The following SLCO1B1 variants were observed in gnomAD, a reference collection of about 807,000 sequenced individuals.
SLCO1B1 encodes OATP-2.
Under a neutral mutation model 70.1 loss-of-function variants are expected in SLCO1B1, and 81 were observed. The observed-to-expected ratio is 1.16, with a 90% CI of 0.97 to 1.39. The LOEUF (loss-of-function observed/expected upper bound fraction) is 1.39. Ranked by LOEUF, SLCO1B1 falls within the 40% of genes most tolerant of loss-of-function variation. The pLI, the probability that SLCO1B1 is intolerant of heterozygous loss-of-function variation, is 0.00. For missense variants in SLCO1B1, 895 were observed against 799.6 expected (o/e 1.12, Z -1.44); for synonymous variants, 283 against 271.5 (o/e 1.04, Z -0.42).
chr12:21,194,040 C>G (rs1238050301), intron 7 of SLCO1B1, among the ~76,000 whole-genome samples: 2 of 152,180 alleles, frequency 1.3e-5, no homozygotes, highest in African/African-American at 4.8e-5. Context: ...ATCCACCCAC[C>G]TTGGCCTCCC....
intron 10 of SLCO1B1, among the ~76,000 whole-genome samples, chr12:21,203,100 A>T (rs1031536256): frequency 3.9e-5 from 6 of 152,136 alleles, no homozygotes; most frequent in African/African-American, 1.4e-4. Flanking sequence ...CATAAGAGTT[A>T]CATAAATGGC....
At chr12:21,206,726 A>G (rs1359157358) in intron 11 of SLCO1B1, among the ~76,000 whole-genome samples, 2 of 151,856 alleles carry the variant, frequency 1.3e-5, no homozygotes, top group East Asian at 3.9e-4. Context: ...CTGGGTAGCT[A>G]CCTGTCACTG....
chr12:21,185,974 C>T lies in SLCO1B1; in HGVS notation c.727+6954C>T, dbSNP rs895059790. On this transcript the variant is annotated intron_variant, in intron 7 of 14. Coordinates refer to ENST00000256958, the MANE Select transcript of SLCO1B1 (RefSeq NM_006446.5). ...GAGGAAGTAGAGTCATTCTTGGAAA[C>T]AACCTCCAAAGATTAAACCAGAAAA... 2.6e-5 allele frequency among the ~76,000 whole-genome samples: 4 copies of T among 151,854 alleles called. No individual in the cohort carries two copies. The South Asian group carries it at 6.2e-4, about 24-fold the overall frequency.
intron 11 of SLCO1B1, among the ~76,000 whole-genome samples, chr12:21,215,928 G>A (rs79249097): frequency 0.014 from 2,090 of 152,080 alleles, 46 homozygotes; most frequent in African/African-American, 0.048. Flanking sequence ...CTCTTTGTTC[G>A]TCTTGGATGG....
intron 7 of SLCO1B1, among the ~76,000 whole-genome samples, chr12:21,192,788 A>G (rs2121132354): frequency 6.6e-6 from 1 of 152,194 alleles, no homozygotes; most frequent in Admixed American, 6.5e-5. Context: ...AATTAGAGAA[A>G]TAACCTATGT....
intron 11 of SLCO1B1, among the ~76,000 whole-genome samples, chr12:21,208,145 T>C (rs932997753): frequency 6.6e-6 from 1 of 152,002 alleles, no homozygotes; most frequent in Non-Finnish European, 1.5e-5. Context: ...TTAGTTTAAT[T>C]ATATCCCACT....
chr12:21,201,115 A>C (rs1941152899), intron 9 of SLCO1B1, among the ~76,000 whole-genome samples: 1 of 152,148 alleles, frequency 6.6e-6, no homozygotes, highest in Non-Finnish European at 1.5e-5. Flanking sequence ...AATTCAAAAC[A>C]AATATATTTT....
rs191649875 is a variant in SLCO1B1, at chr12:21,224,509, G to A, written c.1748-213G>A. ...ATATGCATGTATGTAGGGAGGGTAC[G>A]AGTAGGTAAAAGGTGTCAATGACAT... On this transcript the variant is annotated intron_variant, in intron 13 of 14. Coordinates refer to ENST00000256958, the MANE Select transcript of SLCO1B1 (RefSeq NM_006446.5). Among the ~76,000 whole-genome samples, 7 of 152,226 alleles carry A rather than the reference G, an allele frequency of 4.6e-5. No homozygotes were observed. The East Asian group carries it at 9.6e-4, about 21-fold the overall frequency.
intron 2 of SLCO1B1, among the ~76,000 whole-genome samples, chr12:21,157,174 A>G (rs180942100): frequency 1.4e-3 from 207 of 152,266 alleles, no homozygotes; most frequent in African/African-American, 4.5e-3. Context: ...CAAACAAATA[A>G]CAAAATAAAC....
rs1189754961 is a variant in SLCO1B1 at position 21,178,786 on chromosome 12, A to C, written c.628+64A>C. On this transcript the variant is annotated intron_variant, in intron 6 of 14. Transcript: ENST00000256958. ...CCTTTGTCTACTTTTGAAATAGTAGAGTTACTAAACTTATTATTTTACCTA... is the reference window on the plus strand; with the variant it reads ...CCTTTGTCTACTTTTGAAATAGTAGCGTTACTAAACTTATTATTTTACCTA... 7.5e-6 allele frequency: 11 copies of C among 1,469,124 alleles called. No individual in the cohort carries two copies. In the East Asian group the frequency reaches 2.5e-4, roughly 33 times the overall value. The allele number at this position is 1,469,124 out of a possible 1,614,324, so 91.0% of individuals were successfully genotyped here.
Position 21,217,200 on chromosome 12 carries a change from G to A in SLCO1B1, c.1579G>A (p.Asp527Asn). Residue 527 changes from aspartate to asparagine, a missense_variant, in exon 12 of 15, where the codon GAT becomes AAT. Coordinates refer to ENST00000256958, the MANE Select transcript of SLCO1B1 (RefSeq NM_006446.5). ...AGCCCATTTGGGTGAATGCCCAAGA[G>A]ATGATGCTTGTACAAGGAAATTTTA... Reference protein sequence around the residue: ...YSAHLGECPRDDACTRKFYFF... With the variant: ...YSAHLGECPRNDACTRKFYFF... 3 of 1,613,732 alleles carry A rather than the reference G, an allele frequency of 1.9e-6. No individual in the cohort carries two copies. The highest frequency in any genetic ancestry group is 2.5e-6 in the Non-Finnish European group (3 of 1,179,712).
intron 5 of SLCO1B1, among the ~76,000 whole-genome samples, 162 bp from the exon 6 acceptor site, chr12:21,178,414 C>T (rs1940847071): frequency 6.6e-6 from 1 of 151,610 alleles, no homozygotes; most frequent in African/African-American, 2.4e-5. Context: ...TAAGAATGGA[C>T]TAATACACCA....
At chr12:21,138,934 G>T (rs1376856337) in intron 1 of SLCO1B1, among the ~76,000 whole-genome samples, 1 of 152,138 alleles carries the variant, frequency 6.6e-6, no homozygotes, top group East Asian at 1.9e-4. Flanking sequence ...AATAGAAACT[G>T]TGAATTTTAT....
rs76551645 is a variant in SLCO1B1, at chr12:21,190,554, G to A, written c.728-6392G>A. ...AATTTTTATTTCAATAGCTTTTGGG[G>A]TAGATGTTGTTTTTCGTTACATGGG... On this transcript the variant is annotated intron_variant, in intron 7 of 14. Coordinates refer to ENST00000256958, the MANE Select transcript of SLCO1B1 (RefSeq NM_006446.5). 1.0e-3 allele frequency among the ~76,000 whole-genome samples: 157 copies of A among 152,236 alleles called. 2 individuals are homozygous for A. In the East Asian group the frequency reaches 0.02, roughly 20 times the overall value.
chr12:21,228,491 T>C (rs1941502298), intron 14 of SLCO1B1, among the ~76,000 whole-genome samples: 2 of 152,222 alleles, frequency 1.3e-5, no homozygotes. Flanking sequence ...CCCTGGAATC[T>C]GTAATTACAC....
At chr12:21,148,304 ATTGCCTAGGT>A (rs1282366530) in intron 2 of SLCO1B1, among the ~76,000 whole-genome samples, 3 of 152,076 alleles carry the variant, frequency 2.0e-5, no homozygotes, top group Non-Finnish European at 4.4e-5. Flanking sequence ...CCTGAATGGT[ATTGCCTAGGT>A]TTTGTTCTAG....
intron 14 of SLCO1B1, among the ~76,000 whole-genome samples, chr12:21,236,619 C>G (rs1241761075): frequency 1.3e-5 from 2 of 152,106 alleles, no homozygotes; most frequent in Non-Finnish European, 2.9e-5. Flanking sequence ...GTGAGGGGAG[C>G]AGAGAAGCAC....
chr12:21,133,424 G>C (rs1940169813), intron 1 of SLCO1B1, among the ~76,000 whole-genome samples: 1 of 152,166 alleles, frequency 6.6e-6, no homozygotes, highest in Non-Finnish European at 1.5e-5. Flanking sequence ...ACCTTGGACA[G>C]TATGGCCATT....
At chr12:21,199,744 ACAT>A (rs938980698) in intron 8 of SLCO1B1, among the ~76,000 whole-genome samples, 2 of 152,006 alleles carry the variant, frequency 1.3e-5, no homozygotes, top group African/African-American at 4.8e-5. Context: ...TAAATAAGAA[ACAT>A]CATATGTCTT....
Sources: gnomAD v4.1 joint callset for allele counts (sites outside exome capture counted in the v4.1 genomes callset) on GRCh38, gnomAD v4.1.1 for gene constraint, MANE v1.5 for transcripts, NCBI Gene and HGNC (gene_info 2026-07-23, HGNC 2026-07-21) for gene names.